LRBA: variants seen among roughly 807,000 people sequenced by gnomAD.
LRBA encodes lipopolysaccharide-responsive and beige-like anchor protein.
A neutral mutation model predicts 330.0 loss-of-function variants in LRBA; 176 were observed. That is an observed-to-expected ratio of 0.53 (90% confidence interval 0.47 to 0.60). LRBA has a LOEUF of 0.60. LRBA is among the 20% of genes least tolerant of loss of function. LRBA has a pLI of 0.00. For missense variants in LRBA, 3,259 were observed against 3,444.8 expected (o/e 0.95, Z 1.35); for synonymous variants, 1,230 against 1,193.0 (o/e 1.03, Z -0.64).
chr4:150,997,511 T>C (rs1484952492), intron 2 of LRBA, among the ~76,000 whole-genome samples: 2 of 152,156 alleles, frequency 1.3e-5, no homozygotes, highest in African/African-American at 4.8e-5. Context: ...TGCAGGTTAC[T>C]TGTATTCAAT....
chr4:150,753,798 T>C (rs1447326530), intron 35 of LRBA, among the ~76,000 whole-genome samples: 1 of 152,114 alleles, frequency 6.6e-6, no homozygotes, highest in African/African-American at 2.4e-5. Flanking sequence ...ACCAGTGTGG[T>C]GGCTCACACC....
chr4:150,390,614 T>G (rs1226898108), intron 47 of LRBA, among the ~76,000 whole-genome samples: 1 of 152,170 alleles, frequency 6.6e-6, no homozygotes, highest in Admixed American at 6.5e-5. Context: ...TCAAGGAATT[T>G]TTACCCAAAA....
At chr4:150,496,018 G>C (rs781087961) in intron 40 of LRBA, among the ~76,000 whole-genome samples, 1 of 152,104 alleles carries the variant, frequency 6.6e-6, no homozygotes, top group African/African-American at 2.4e-5. Context: ...CAGTGTGTTA[G>C]AGAGGAGAGA....
chr4:150,387,574 C>T (rs1743275202), intron 47 of LRBA, among the ~76,000 whole-genome samples: 1 of 152,026 alleles, frequency 6.6e-6, no homozygotes, highest in Admixed American at 6.6e-5. Context: ...AAAAAAGATC[C>T]TACTCCTAAA....
Position 150,896,389 on chromosome 4 carries a change from A to G in LRBA, c.2067+5T>C, listed in dbSNP as rs1402995734. The stretch of plus-strand genomic sequence containing the variant: ...AAATTTCAAAATATAAAATTCATAT[A>G]TTACCTCATGCATAGTCAGTAGGTA... On this transcript the variant is annotated splice_donor_5th_base_variant and intron_variant, in intron 16 of 56. Transcript: ENST00000651943. The G allele has an allele frequency of 7.0e-7, 1 of 1,426,502 alleles. No homozygotes were observed. The highest frequency in any genetic ancestry group is 1.2e-5 in the South Asian group (1 of 80,410). 88.4% of individuals were successfully genotyped at this position (1,426,502 alleles called of 1,614,324 possible).
intron 37 of LRBA, among the ~76,000 whole-genome samples, chr4:150,643,407 T>C (rs549669304): frequency 1.1e-4 from 17 of 152,044 alleles, no homozygotes; most frequent in East Asian, 7.7e-4. Flanking sequence ...TGGAGGCACA[T>C]AGATGATAAG....
At chr4:150,969,870 C>G (rs923230097) in intron 2 of LRBA, among the ~76,000 whole-genome samples, 1 of 152,130 alleles carries the variant, frequency 6.6e-6, no homozygotes, top group South Asian at 2.1e-4. Flanking sequence ...TAGTTGATAA[C>G]GCAGTAGCAG....
intron 37 of LRBA, among the ~76,000 whole-genome samples, chr4:150,646,044 C>T (rs976389230): frequency 2.6e-5 from 4 of 151,498 alleles, no homozygotes; most frequent in Non-Finnish European, 4.4e-5. Context: ...TTTATCTTGC[C>T]TTTTGACCCA....
At chr4:150,974,678 C>T (rs143888456) in intron 2 of LRBA, among the ~76,000 whole-genome samples, 12 of 152,290 alleles carry the variant, frequency 7.9e-5, no homozygotes, top group Non-Finnish European at 1.8e-4. Flanking sequence ...GAAACCTTGT[C>T]TTTCAAGCCA....
chr4:150,851,483 T>A (rs112376473), intron 23 of LRBA, among the ~76,000 whole-genome samples: 50 of 152,328 alleles, frequency 3.3e-4, no homozygotes, highest in African/African-American at 1.2e-3. Flanking sequence ...ATAATACAAT[T>A]TTAAATCACA....
At chr4:150,794,445 G>A (rs1342623880) in intron 34 of LRBA, among the ~76,000 whole-genome samples, 1 of 151,324 alleles carries the variant, frequency 6.6e-6, no homozygotes, top group Non-Finnish European at 1.5e-5. Context: ...AGAAAAGAAA[G>A]TACAGAAGAA....
intron 53 of LRBA, among the ~76,000 whole-genome samples, chr4:150,295,500 AG>A (rs1307027619): frequency 1.3e-5 from 2 of 152,160 alleles, no homozygotes; most frequent in African/African-American, 4.8e-5. Context: ...CCCGGCCTAA[AG>A]TATCTTTATT....
At chr4:150,817,854 T>C (rs570860944) in intron 30 of LRBA, among the ~76,000 whole-genome samples, 1 of 152,202 alleles carries the variant, frequency 6.6e-6, no homozygotes, top group East Asian at 1.9e-4. Flanking sequence ...TCAATTAAAA[T>C]GTAATACTTT....
intron 44 of LRBA, among the ~76,000 whole-genome samples, chr4:150,463,515 C>T (rs1391673591): frequency 1.3e-5 from 2 of 151,892 alleles, no homozygotes; most frequent in African/African-American, 2.4e-5. Context: ...TTAATGAAAG[C>T]AACAGTTTTG....
At chr4:150,334,731 C>T (rs1320164458) in intron 48 of LRBA, among the ~76,000 whole-genome samples, 3 of 144,340 alleles carry the variant, frequency 2.1e-5, no homozygotes, top group Non-Finnish European at 4.5e-5. Flanking sequence ...ATAAGCATAA[C>T]AAAACAATTT....
At chr4:150,410,921 C>T (rs1746898521) in intron 47 of LRBA, among the ~76,000 whole-genome samples, 1 of 152,110 alleles carries the variant, frequency 6.6e-6, no homozygotes. Context: ...TAGGTCCAAA[C>T]ATTGACATTA....
At chr4:150,692,375 T>A (rs1048601877) in intron 36 of LRBA, among the ~76,000 whole-genome samples, 12 of 152,084 alleles carry the variant, frequency 7.9e-5, no homozygotes, top group Non-Finnish European at 1.5e-4. Context: ...TGCACCACCA[T>A]GCCCAACTAA....
chr4:150,642,459 C>A (rs1778774141), intron 37 of LRBA, among the ~76,000 whole-genome samples: 1 of 151,646 alleles, frequency 6.6e-6, no homozygotes. Context: ...CTAAGGTAAA[C>A]AGTAACATGT....
intron 44 of LRBA, among the ~76,000 whole-genome samples, chr4:150,456,903 C>T (rs1439742269): frequency 6.6e-6 from 1 of 151,944 alleles, no homozygotes; most frequent in Non-Finnish European, 1.5e-5. Flanking sequence ...TCCAGTTTTC[C>T]CAGCACTATT....
Sources: allele counts gnomAD v4.1 joint callset (sites outside exome capture counted in the v4.1 genomes callset), GRCh38; gene constraint gnomAD v4.1.1; transcripts MANE v1.5; gene names NCBI Gene and HGNC (gene_info 2026-07-23, HGNC 2026-07-21).